Variants in TMEM161B observed in about 807,000 individuals in gnomAD.
The protein encoded by TMEM161B is transmembrane protein 161B.
TMEM161B carries 34 observed loss-of-function variants against 61.8 expected under a neutral mutation model. The observed-to-expected ratio is 0.55, with a 90% CI of 0.42 to 0.73. TMEM161B has a LOEUF of 0.73. Ranked by LOEUF, TMEM161B falls within the 30% of genes least tolerant of loss-of-function variation. TMEM161B has a pLI of 0.00. For missense variants in TMEM161B, 456 were observed against 558.5 expected (o/e 0.82, Z 1.85); for synonymous variants, 167 against 192.8 (o/e 0.87, Z 1.11).
chr5:88,239,482 C>T (rs1752391272), intron 2 of TMEM161B, among the ~76,000 whole-genome samples: 1 of 151,916 alleles, frequency 6.6e-6, no homozygotes, highest in Admixed American at 6.6e-5. Context: ...TAAGCTAAAT[C>T]AGTAAACAAG....
At position 88,195,716 on chromosome 5, in the gene TMEM161B, T is replaced by C; in HGVS notation, c.*495A>G. The C allele has an allele frequency of 3.0e-6, 3 of 986,676 alleles. No homozygotes were observed. The South Asian group carries it at 1.4e-4, about 46-fold the overall frequency. 61.1% of individuals were successfully genotyped at this position (986,676 alleles called of 1,614,324 possible). On this transcript the variant is annotated 3_prime_UTR_variant, in exon 12 of 12. Coordinates refer to ENST00000296595, the MANE Select transcript of TMEM161B (RefSeq NM_153354.5). Reference sequence around the variant, plus strand: ...TATACAGTAGCTATCTCTTCCTTTCTGTTGGATTTTATTGTTTCAAGAGTA... The same window carrying C: ...TATACAGTAGCTATCTCTTCCTTTCCGTTGGATTTTATTGTTTCAAGAGTA...
At chr5:88,192,339 C>A (rs1749042117), downstream of TMEM161B, among the ~76,000 whole-genome samples, 1 of 151,924 alleles carries the variant, frequency 6.6e-6, no homozygotes, top group African/African-American at 2.4e-5. Flanking sequence ...AAAAAGGAGT[C>A]CCATGGTAAC....
At chr5:88,228,227 T>C (rs943027460) in intron 3 of TMEM161B, among the ~76,000 whole-genome samples, 7 of 152,184 alleles carry the variant, frequency 4.6e-5, no homozygotes, top group Non-Finnish European at 7.4e-5. Context: ...GATGGCTATA[T>C]TGTTTTCATG....
chr5:88,245,334 C>T (rs1753443678), intron 1 of TMEM161B, among the ~76,000 whole-genome samples: 1 of 151,842 alleles, frequency 6.6e-6, no homozygotes, highest in African/African-American at 2.4e-5. Flanking sequence ...AGAAGTTCTA[C>T]AATCTCCATT....
intron 5 of TMEM161B, among the ~76,000 whole-genome samples, chr5:88,219,752 A>AC (rs1268614525): frequency 6.6e-6 from 1 of 152,166 alleles, no homozygotes; most frequent in African/African-American, 2.4e-5. Flanking sequence ...GAGGGAAAAA[A>AC]TAAAGATAAT....
chr5:88,268,786 ACCTCCCGGT>A lies in TMEM161B; in HGVS notation c.-72_-64del. ...TTGCCGGGGCAGTCCCAAACCTCTT[ACCTCCCGGT>A]CCTTGAGCCGAGAGACTCTCAAACA... On this transcript the variant is annotated 5_prime_UTR_variant, in exon 1 of 12. Transcript: ENST00000296595. The A allele has an allele frequency of 1.9e-6, 3 of 1,612,006 alleles. No homozygotes were observed. The highest frequency in any genetic ancestry group is 2.5e-6 in the Non-Finnish European group (3 of 1,179,112).
At chr5:88,230,145 C>T (rs1200012057) in intron 2 of TMEM161B, among the ~76,000 whole-genome samples, 7 of 151,908 alleles carry the variant, frequency 4.6e-5, no homozygotes, top group African/African-American at 1.7e-4. Context: ...ATCATTGTGC[C>T]CCTGCATTCC....
At chr5:88,243,337 G>A (rs116399815) in intron 1 of TMEM161B, among the ~76,000 whole-genome samples, 196 of 151,772 alleles carry the variant, frequency 1.3e-3, no homozygotes, top group Non-Finnish European at 2.4e-3. Context: ...GAAAACATGC[G>A]GTATTTGGTT....
At chr5:88,242,615 T>C (rs1427706603) in intron 1 of TMEM161B, among the ~76,000 whole-genome samples, 2 of 151,780 alleles carry the variant, frequency 1.3e-5, no homozygotes, top group Non-Finnish European at 2.9e-5. Context: ...TGTTATTTAA[T>C]CAAACATTCT....
intron 1 of TMEM161B, 106 bp downstream of exon 1, chr5:88,268,615 C>G: frequency 6.5e-7 from 1 of 1,537,568 alleles, no homozygotes; most frequent in Non-Finnish European, 9.0e-7. Context: ...ATCCCAACGT[C>G]TCAACTCCAT....
At chr5:88,224,579 G>T (rs541592969) in intron 4 of TMEM161B, among the ~76,000 whole-genome samples, 1 of 152,140 alleles carries the variant, frequency 6.6e-6, no homozygotes, top group South Asian at 2.1e-4. Flanking sequence ...TTTCTGATTT[G>T]TAATCCAGTT....
intron 2 of TMEM161B, among the ~76,000 whole-genome samples, chr5:88,239,418 G>T (rs1334618641): frequency 6.6e-6 from 1 of 151,916 alleles, no homozygotes; most frequent in Non-Finnish European, 1.5e-5. Flanking sequence ...TCAAATTAAT[G>T]ATAATTTGCC....
chr5:88,227,803 AG>A (rs1750308444), intron 3 of TMEM161B, among the ~76,000 whole-genome samples: 1 of 152,190 alleles, frequency 6.6e-6, no homozygotes, highest in Non-Finnish European at 1.5e-5. Context: ...CCATTCAGAG[AG>A]GTAATTAACA....
intron 1 of TMEM161B, among the ~76,000 whole-genome samples, chr5:88,254,892 A>G (rs553246885): frequency 6.6e-6 from 1 of 152,162 alleles, no homozygotes; most frequent in African/African-American, 2.4e-5. Flanking sequence ...ATCATGGGAC[A>G]TTATACAGGT....
chr5:88,190,733 T>C (rs1356028645), downstream of TMEM161B, among the ~76,000 whole-genome samples: 1 of 152,224 alleles, frequency 6.6e-6, no homozygotes, highest in Non-Finnish European at 1.5e-5. Flanking sequence ...TCTTTTCTGT[T>C]TATGTTTAAT....
chr5:88,196,531 T>C, intron 11 of TMEM161B, 43 bp from the exon 12 acceptor site: 1 of 1,506,560 alleles, frequency 6.6e-7, no homozygotes, highest in Non-Finnish European at 8.8e-7. Flanking sequence ...GAGTAACTAA[T>C]TACCAAGCTT....
At chr5:88,225,732 T>G in intron 4 of TMEM161B, 37 bp downstream of exon 4, 17 of 1,365,096 alleles carry the variant, frequency 1.2e-5, no homozygotes, top group Non-Finnish European at 1.7e-5. Context: ...AATATAAAAC[T>G]GAGATTTATA....
intron 4 of TMEM161B, chr5:88,221,619 C>G: frequency 2.2e-6 from 1 of 447,272 alleles, no homozygotes; most frequent in Non-Finnish European, 4.5e-6. Flanking sequence ...CTATTCCATT[C>G]TTAAGAGTTT....
At chr5:88,256,492 C>T (rs1754999956) in intron 1 of TMEM161B, among the ~76,000 whole-genome samples, 1 of 152,188 alleles carries the variant, frequency 6.6e-6, no homozygotes, top group African/African-American at 2.4e-5. Context: ...AATGAAAAGA[C>T]ATGTTTGACA....
Sources: allele counts gnomAD v4.1 joint callset (sites outside exome capture counted in the v4.1 genomes callset), GRCh38; gene constraint gnomAD v4.1.1; transcripts MANE v1.5; gene names NCBI Gene and HGNC (gene_info 2026-07-23, HGNC 2026-07-21).